SFPQ: variants seen among roughly 807,000 people sequenced by gnomAD.
The protein encoded by SFPQ is splicing factor, proline- and glutamine-rich.
In SFPQ, 11 loss-of-function variants were observed where a neutral mutation model predicts 72.9. The ratio of observed to expected loss-of-function variants is 0.15; its 90% confidence interval spans 0.09 to 0.25. The LOEUF is 0.25. Among genes scored for constraint, SFPQ ranks in the 10% least tolerant of loss-of-function variants. The pLI is 1.00. For synonymous variants in SFPQ, 506 were observed against 367.3 expected (o/e 1.38, Z -4.32); for missense variants, 847 against 993.3 (o/e 0.85, Z 1.98).
rs776097047 is a variant in SFPQ at position 35,190,757 on chromosome 1, G to A, written c.1256C>T (p.Ala419Val). ...RSTGKGIVEF[A>V]SKPAARKAFE... ...TGCCTTTCTTGCTGCTGGCTTAGAA[G>A]CAAATTCAACAATGCCTTTCCCTGT... Residue 419 changes from alanine (A) to valine (V), a missense_variant, in exon 3 of 10, where the codon GCT becomes GTT. By Grantham distance (64) the Ala-to-Val change is moderately conservative. Transcript: ENST00000357214. 2.5e-6 allele frequency: 4 copies of A among 1,614,222 alleles called. No homozygotes were observed. Among genetic ancestry groups the A allele is most frequent in the East Asian group, 2.2e-5 (1 of 44,888 alleles).
At chr1:35,178,391 GCT>G, downstream of SFPQ, 1 of 1,064,154 alleles carries the variant, frequency 9.4e-7, no homozygotes, top group African/African-American at 1.6e-5. Flanking sequence ...TTTAACATCA[GCT>G]CTTTTTTCAT....
intron 2 of SFPQ, 104 bp from the exon 3 acceptor site, chr1:35,191,099 T>C (rs1639972518): frequency 1.9e-6 from 2 of 1,075,272 alleles, no homozygotes; most frequent in South Asian, 3.2e-5. Flanking sequence ...TTCAGCTCAG[T>C]TCGACCATTA....
Position 35,190,496 on chromosome 1 carries a change from A to G in SFPQ, c.1415+2T>C. The G allele has an allele frequency of 6.3e-7, 1 of 1,593,750 alleles. No individual in the cohort carries two copies. The highest frequency in any genetic ancestry group is 8.6e-7 in the Non-Finnish European group (1 of 1,164,086). On this transcript the variant is annotated splice_donor_variant, in intron 4 of 9. Transcript: ENST00000357214. LOFTEE classifies it high-confidence loss of function. The stretch of plus-strand genomic sequence containing the variant: ...CTGCCAAAAAAGTTTAATCAATCTT[A>G]CTTTTGATACATTGGATTCTTCTGG...
At chr1:35,179,514 C>T (rs1269779594), downstream of SFPQ, 1 of 1,054,898 alleles carries the variant, frequency 9.5e-7, no homozygotes, top group African/African-American at 1.7e-5. Flanking sequence ...AAATACAATG[C>T]AAGCACCTCG....
chr1:35,192,144 C>G (rs993787315), intron 1 of SFPQ, 78 bp downstream of exon 1: 5 of 1,189,412 alleles, frequency 4.2e-6, no homozygotes, highest in South Asian at 3.0e-5. Context: ...AAAATGGAAG[C>G]CCAGCGCGGG....
At chr1:35,186,798 G>A (rs1364877596) in intron 9 of SFPQ, among the ~76,000 whole-genome samples, 2 of 152,196 alleles carry the variant, frequency 1.3e-5, no homozygotes. Context: ...GTTGGCAACC[G>A]TTATCTGTTT....
At position 35,192,568 on chromosome 1, in the gene SFPQ, G is replaced by T; in HGVS notation, c.482C>A (p.Pro161His). The part of the protein sequence containing the change: ...PTPPPAVTSA[P>H]PGAPPPTPPS... ...CGGGGTGGGTGGCGGCGCCCCGGGA[G>T]GGGCCGAGGTGACTGCAGGCGGCGG... is the stretch of plus-strand genomic sequence containing the variant. Residue 161 changes from proline to histidine, a missense_variant, in exon 1 of 10, where the codon CCT (proline) becomes CAT (histidine). Pro to His is a moderately conservative substitution (Grantham distance 77, BLOSUM62 -2). Transcript: ENST00000357214. 1.5e-6 allele frequency: 2 copies of T among 1,328,626 alleles called. No homozygotes were observed. Among genetic ancestry groups the T allele is most frequent in the Non-Finnish European group, 1.9e-6 (2 of 1,045,458 alleles). 82.3% of individuals were successfully genotyped at this position (1,328,626 alleles called of 1,614,324 possible).
At chr1:35,186,933 C>CA in intron 9 of SFPQ, 68 bp downstream of exon 9, 5 of 1,517,062 alleles carry the variant, frequency 3.3e-6, no homozygotes, top group Non-Finnish European at 4.4e-6. Flanking sequence ...CAAAACAAAA[C>CA]AAAACAAACA....
downstream of SFPQ, chr1:35,182,905 G>C: frequency 1.9e-6 from 2 of 1,045,572 alleles, no homozygotes; most frequent in South Asian, 4.6e-5. Flanking sequence ...GGGGTTCAAT[G>C]AAGTTGACAA....
chr1:35,181,666 A>AG (rs1051548131), downstream of SFPQ: 1 of 1,060,550 alleles, frequency 9.4e-7, no homozygotes, highest in African/African-American at 1.6e-5. Flanking sequence ...CAAAATTATG[A>AG]GAAAGTGGAG....
At chr1:35,186,707 C>T (rs1457335911) in intron 9 of SFPQ, among the ~76,000 whole-genome samples, 1 of 152,102 alleles carries the variant, frequency 6.6e-6, no homozygotes, top group African/African-American at 2.4e-5. Context: ...TTTGGATTTG[C>T]CATGCACTAG....
intron 6 of SFPQ, among the ~76,000 whole-genome samples, chr1:35,188,458 G>A (rs995120841): frequency 3.3e-5 from 5 of 152,146 alleles, no homozygotes; most frequent in African/African-American, 1.2e-4. Context: ...AGTACTTTAG[G>A]AGGCCAGGAG....
Position 35,190,768 on chromosome 1 carries a change from A to C in SFPQ, c.1245T>G (p.Ile415Met). The change falls in exon 3 of 10, where the codon ATT becomes ATG. Residue 415 changes from isoleucine (I) to methionine (M), a missense_variant. By Grantham distance (10) the Ile-to-Met change is conservative (BLOSUM62 1). This residue lies in a region of SFPQ where 132 missense variants were observed against 255.4 expected (regional missense o/e 0.52). Transcript: ENST00000357214. The part of the protein sequence containing the change: ...DDRGRSTGKG[I>M]VEFASKPAAR... ...CTGCTGGCTTAGAAGCAAATTCAAC[A>C]ATGCCTTTCCCTGTAGATCTTCCAC... 1 of 1,614,216 alleles carries C rather than the reference A, an allele frequency of 6.2e-7. No individual in the cohort carries two copies. The highest frequency in any genetic ancestry group is 8.5e-7 in the Non-Finnish European group (1 of 1,180,032).
At position 35,183,225 on chromosome 1, in the gene SFPQ, C is replaced by CTTTT. The variant is rs776963224; in HGVS notation, c.*1227_*1230dup. On this transcript the variant is annotated 3_prime_UTR_variant, in exon 10 of 10. Coordinates refer to ENST00000357214, the MANE Select transcript of SFPQ (RefSeq NM_005066.3). ...AACTAAACCTACTTCAGTACTAAAC[C>CTTTT]TTTTTTTTTTTTTGAGACAGAGTCT... 1.3e-6 allele frequency: 1 copy of CTTTT among 760,878 alleles called. No individual in the cohort carries two copies. Among genetic ancestry groups the CTTTT allele is most frequent in the Non-Finnish European group, 1.5e-6 (1 of 665,990 alleles). The allele number at this position is 760,878 out of a possible 1,614,324, so 47.1% of individuals were successfully genotyped here.
chr1:35,189,456 C>A (rs919766446), intron 4 of SFPQ, 74 bp from the exon 5 acceptor site: 10 of 1,192,846 alleles, frequency 8.4e-6, no homozygotes, highest in South Asian at 1.5e-5. Context: ...TAGTACTGAT[C>A]TTTTTCCTGT....
chr1:35,185,816 AG>A (rs1344701642), intron 9 of SFPQ, among the ~76,000 whole-genome samples: 1 of 152,182 alleles, frequency 6.6e-6, no homozygotes, highest in Non-Finnish European at 1.5e-5. Flanking sequence ...CTTAAAAAAA[AG>A]AAAAAGTTGG....
Position 35,184,368 on chromosome 1 carries a change from AGCTT to A in SFPQ, c.*84_*87del, listed in dbSNP as rs1398653988. ...AAACTGCTAACATCCATAAAAAGAT[AGCTT>A]TCTTACTAAAATGCAAGAATTTAAA... is the stretch of plus-strand genomic sequence containing the variant. On this transcript the variant is annotated 3_prime_UTR_variant, in exon 10 of 10. Transcript: ENST00000357214. 4 of 1,566,834 alleles carry A rather than the reference AGCTT, an allele frequency of 2.6e-6. No individual in the cohort carries two copies. The African/African-American group carries it at 5.6e-5, about 22-fold the overall frequency.
At chr1:35,190,658 T>C (rs1303901134) in intron 3 of SFPQ, 36 bp downstream of exon 3, 2 of 1,609,728 alleles carry the variant, frequency 1.2e-6, no homozygotes, top group East Asian at 4.5e-5. Context: ...CTCATATAAG[T>C]TGATAGAAAT....
In SFPQ at chr1:35,183,516, CCA is replaced by C. The variant is rs1201117906; in HGVS notation, c.*938_*939del. 2 of 1,011,370 alleles carry C rather than the reference CCA, an allele frequency of 2.0e-6. No homozygotes were observed. Among genetic ancestry groups the C allele is most frequent in the Non-Finnish European group, 2.4e-6 (2 of 844,470 alleles). The allele number at this position is 1,011,370 out of a possible 1,614,324, so 62.6% of individuals were successfully genotyped here. ...ACAGGCGTGAGCCACCGCGCCCGGCCCAGTTACTAAACCTTCTTACTTTCAAG... is the reference window on the plus strand; with the variant it reads ...ACAGGCGTGAGCCACCGCGCCCGGCCGTTACTAAACCTTCTTACTTTCAAG... On this transcript the variant is annotated 3_prime_UTR_variant, in exon 10 of 10. Coordinates refer to ENST00000357214, the MANE Select transcript of SFPQ (RefSeq NM_005066.3).
Sources: gnomAD v4.1 joint callset for allele counts (sites outside exome capture counted in the v4.1 genomes callset) on GRCh38, gnomAD v4.1.1 for gene constraint, gnomAD v4.1.1 regional missense constraint, MANE v1.5 for transcripts, NCBI Gene and HGNC (gene_info 2026-07-23, HGNC 2026-07-21) for gene names.